Variants in SLIT3 observed in about 807,000 individuals in gnomAD.
SLIT3 encodes slit homolog 3 protein.
In SLIT3, 68 loss-of-function variants were observed where a neutral mutation model predicts 184.0. The ratio of observed to expected loss-of-function variants is 0.37; its 90% CI spans 0.30 to 0.45. The LOEUF (loss-of-function observed/expected upper bound fraction) is 0.45, where lower values mean the gene tolerates loss of function less well. Among genes scored for constraint, SLIT3 ranks in the 20% least tolerant of loss-of-function variants. SLIT3 has a pLI of 1.00. For synonymous variants in SLIT3, 831 were observed against 828.6 expected (o/e 1.00, Z -0.05); for missense variants, 1,707 against 2,026.0 (o/e 0.84, Z 3.02).
chr5:168,902,350 T>C (rs1332100920), intron 4 of SLIT3, among the ~76,000 whole-genome samples: 2 of 152,352 alleles, frequency 1.3e-5, no homozygotes, highest in Non-Finnish European at 2.9e-5. Context: ...GTAGGGAAGA[T>C]AGACGTAAGA....
intron 19 of SLIT3, 69 bp downstream of exon 19, chr5:168,749,403 G>A: frequency 6.4e-7 from 1 of 1,559,908 alleles, no homozygotes; most frequent in Non-Finnish European, 8.8e-7. Flanking sequence ...GTATCTGATT[G>A]TGCATCTTCG....
chr5:168,837,537 A>G (rs1027351224), intron 6 of SLIT3, among the ~76,000 whole-genome samples: 4 of 152,226 alleles, frequency 2.6e-5, no homozygotes, highest in African/African-American at 4.8e-5. Flanking sequence ...AACATTTAAA[A>G]TGATTCCAGG....
At chr5:168,782,890 G>T (rs1000087057) in intron 12 of SLIT3, among the ~76,000 whole-genome samples, 1 of 152,176 alleles carries the variant, frequency 6.6e-6, no homozygotes, top group Non-Finnish European at 1.5e-5. Flanking sequence ...GGAACTGAAC[G>T]TGTTTAGGAT....
At chr5:169,194,233 CAAAAAAAAAAA>C (rs10571842) in intron 3 of SLIT3, among the ~76,000 whole-genome samples, 18 of 61,394 alleles carry the variant, frequency 2.9e-4, no homozygotes, top group South Asian at 9.8e-4. Context: ...GACTCTGTCT[CAAAAAAAAAAA>C]AAAAAAAAAA....
chr5:168,853,968 T>C (rs1327816427), intron 5 of SLIT3, among the ~76,000 whole-genome samples: 1 of 152,204 alleles, frequency 6.6e-6, no homozygotes, highest in East Asian at 1.9e-4. Flanking sequence ...TTCCAAGCTC[T>C]CAGGGCCCTT....
intron 1 of SLIT3, among the ~76,000 whole-genome samples, chr5:169,264,291 T>A (rs558811387): frequency 1.4e-4 from 22 of 152,216 alleles, no homozygotes; most frequent in Non-Finnish European, 2.9e-4. Flanking sequence ...CCTCCTGGGT[T>A]CAAGGGATTC....
intron 33 of SLIT3, among the ~76,000 whole-genome samples, chr5:168,671,866 C>T (rs958606817): frequency 1.3e-5 from 2 of 152,178 alleles, no homozygotes; most frequent in Non-Finnish European, 2.9e-5. Context: ...CCCCACCAGG[C>T]TCCTCAGCCC....
chr5:168,835,600 G>T (rs1257710137), intron 6 of SLIT3, among the ~76,000 whole-genome samples: 1 of 151,994 alleles, frequency 6.6e-6, no homozygotes, highest in Non-Finnish European at 1.5e-5. Flanking sequence ...CTTGAGGTCA[G>T]GAGTTCGAGA....
intron 28 of SLIT3, 44 bp downstream of exon 28, chr5:168,696,248 G>T: frequency 6.2e-7 from 1 of 1,610,704 alleles, no homozygotes; most frequent in Non-Finnish European, 8.5e-7. Flanking sequence ...GTATTCTAGC[G>T]ACACCCCTCC....
intron 4 of SLIT3, among the ~76,000 whole-genome samples, chr5:169,034,430 T>A (rs1305960015): frequency 6.6e-6 from 1 of 152,146 alleles, no homozygotes; most frequent in Non-Finnish European, 1.5e-5. Flanking sequence ...TTTTTGTGAG[T>A]GGTATAAGTT....
At chr5:168,899,518 A>C (rs1235505357) in intron 4 of SLIT3, among the ~76,000 whole-genome samples, 10 of 152,070 alleles carry the variant, frequency 6.6e-5, no homozygotes, top group African/African-American at 2.4e-4. Context: ...TGCCTCTTAA[A>C]AAAAAGCCCA....
At chr5:168,727,187 G>A (rs1278602328) in intron 20 of SLIT3, among the ~76,000 whole-genome samples, 1 of 152,050 alleles carries the variant, frequency 6.6e-6, no homozygotes, top group Non-Finnish European at 1.5e-5. Context: ...AGGTGTGGTG[G>A]TGCATGCCTG....
chr5:169,262,198 T>C (rs1766216266), intron 1 of SLIT3, among the ~76,000 whole-genome samples: 2 of 152,148 alleles, frequency 1.3e-5, no homozygotes, highest in African/African-American at 4.8e-5. Flanking sequence ...TATCATTATA[T>C]GACAATAAAA....
intron 4 of SLIT3, among the ~76,000 whole-genome samples, chr5:168,956,014 T>A (rs1292077553): frequency 6.6e-6 from 1 of 152,140 alleles, no homozygotes; most frequent in Non-Finnish European, 1.5e-5. Flanking sequence ...AGTGATTGGG[T>A]GGTCTGGTCC....
At chr5:168,905,775 T>C (rs767607832) in intron 4 of SLIT3, among the ~76,000 whole-genome samples, 1 of 152,200 alleles carries the variant, frequency 6.6e-6, no homozygotes, top group Non-Finnish European at 1.5e-5. Flanking sequence ...GAGCCTGGGT[T>C]AGCATGCCTG....
chr5:169,156,261 G>A (rs1173852609), intron 4 of SLIT3, among the ~76,000 whole-genome samples: 1 of 152,286 alleles, frequency 6.6e-6, no homozygotes, highest in East Asian at 1.9e-4. Context: ...GTGGAGTAAA[G>A]GGAAGCCTCT....
intron 20 of SLIT3, among the ~76,000 whole-genome samples, chr5:168,728,364 C>T (rs946173355): frequency 6.6e-6 from 1 of 151,318 alleles, no homozygotes; most frequent in Non-Finnish European, 1.5e-5. Context: ...GACTGCTACA[C>T]CAGATGTTCA....
chr5:168,897,151 G>A (rs4311429), intron 4 of SLIT3, among the ~76,000 whole-genome samples: 71,397 of 151,980 alleles, frequency 0.47, 17,059 homozygotes, highest in Non-Finnish European at 0.52. Flanking sequence ...TACCCAGGGC[G>A]TTAGGCATTG....
At chr5:169,251,314 G>A (rs1373529598) in intron 2 of SLIT3, 74 bp downstream of exon 2, 4 of 999,058 alleles carry the variant, frequency 4.0e-6, no homozygotes, top group Admixed American at 1.7e-5. Context: ...GTGATGTCAG[G>A]GGCAGTGGAA....
Sources: gnomAD v4.1 joint callset for allele counts (sites outside exome capture counted in the v4.1 genomes callset) on GRCh38, gnomAD v4.1.1 for gene constraint, MANE v1.5 for transcripts, NCBI Gene and HGNC (gene_info 2026-07-23, HGNC 2026-07-21) for gene names.